Variants in TRMT9B observed in about 807,000 individuals in gnomAD.
TRMT9B encodes probable tRNA methyltransferase 9B.
Under a neutral mutation model 11.5 loss-of-function variants are expected in TRMT9B, and 16 were observed. The observed-to-expected ratio is 1.39, with a 90% CI of 0.94 to 2.11. TRMT9B has a LOEUF of 2.11. TRMT9B is among the 30% of genes most tolerant of loss of function. TRMT9B has a pLI of 0.00. For missense variants in TRMT9B, 941 were observed against 553.8 expected (o/e 1.70, Z -7.02); for synonymous variants, 274 against 192.4 (o/e 1.42, Z -3.51).
At chr8:12,978,244 C>T (rs1804764125) in intron 1 of TRMT9B, among the ~76,000 whole-genome samples, 1 of 152,166 alleles carries the variant, frequency 6.6e-6, no homozygotes, top group Non-Finnish European at 1.5e-5. Flanking sequence ...CCTTGGCTGA[C>T]AGGAGAATGC....
intron 1 of TRMT9B, among the ~76,000 whole-genome samples, chr8:12,973,190 T>A (rs904975818): frequency 6.6e-6 from 1 of 152,210 alleles, no homozygotes; most frequent in African/African-American, 2.4e-5. Context: ...GGCTGAATAA[T>A]ATGAAATCTG....
At chr8:12,997,335 T>G (rs1469469733) in intron 2 of TRMT9B, among the ~76,000 whole-genome samples, 3 of 152,068 alleles carry the variant, frequency 2.0e-5, no homozygotes. Context: ...CCCTCTCTCT[T>G]GCTCCCTCTC....
chr8:12,981,416 T>G (rs1805368634), intron 1 of TRMT9B, among the ~76,000 whole-genome samples: 1 of 152,066 alleles, frequency 6.6e-6, no homozygotes, highest in Non-Finnish European at 1.5e-5. Flanking sequence ...GCTCAGGTAT[T>G]TGGACTTTCT....
chr8:13,005,085 CA>C lies in TRMT9B; in HGVS notation c.-1-1102del, dbSNP rs1223540759. Among the ~76,000 whole-genome samples, 421 of 87,572 alleles carry C rather than the reference CA, an allele frequency of 4.8e-3. 2 individuals carry two copies. The highest frequency in any genetic ancestry group is 5.9e-3 in the African/African-American group (133 of 22,628). The allele number at this position is 87,572 out of a possible 152,430, so 57.5% of individuals were successfully genotyped here. On this transcript the variant is annotated intron_variant, in intron 2 of 4. Coordinates refer to ENST00000524591, the MANE Select transcript of TRMT9B (RefSeq NM_020844.3). ...TGGGCGATACAGCGAGACTGCATCT[CA>C]AAAAAAAAAAAAAAGAAAAAGAAAA...
chr8:12,961,280 A>C (rs571234854), intron 1 of TRMT9B, among the ~76,000 whole-genome samples: 1 of 152,354 alleles, frequency 6.6e-6, no homozygotes, highest in South Asian at 2.1e-4. Flanking sequence ...AGTTAATAAT[A>C]AATATCAATA....
At chr8:13,010,078 C>T (rs1388573945) in intron 3 of TRMT9B, among the ~76,000 whole-genome samples, 2 of 150,838 alleles carry the variant, frequency 1.3e-5, no homozygotes, top group Non-Finnish European at 2.9e-5. Flanking sequence ...GCAGAGGTTG[C>T]AGTGAGCCGA....
At chr8:13,013,055 A>C (rs1811951228) in intron 4 of TRMT9B, among the ~76,000 whole-genome samples, 198 bp downstream of exon 4, 2 of 152,266 alleles carry the variant, frequency 1.3e-5, no homozygotes, top group South Asian at 2.1e-4. Flanking sequence ...GATTGTTTTA[A>C]CTATTTAAAC....
chr8:12,967,536 A>G (rs1446066497), intron 1 of TRMT9B, among the ~76,000 whole-genome samples: 5 of 152,160 alleles, frequency 3.3e-5, no homozygotes, highest in South Asian at 2.1e-4. Context: ...CATTTGACCA[A>G]CTCAGACCCT....
rs1372226037 is a variant in TRMT9B at position 13,027,532 on chromosome 8, C to G, written c.*5488C>G. ...GGCATTCAGGCCCTTCATAAAGTAA[C>G]TCTGAATTATTTTTCAGTCTCATTT... is the stretch of plus-strand genomic sequence containing the variant. On this transcript the variant is annotated 3_prime_UTR_variant, in exon 5 of 5. Coordinates refer to ENST00000524591, the MANE Select transcript of TRMT9B (RefSeq NM_020844.3). 6.6e-5 allele frequency: 11 copies of G among 167,048 alleles called. No homozygotes were observed. The highest frequency in any genetic ancestry group is 2.7e-4 in the African/African-American group (11 of 41,464). 10.3% of individuals were successfully genotyped at this position (167,048 alleles called of 1,614,324 possible). A position where few individuals can be genotyped will look rare whatever the true frequency, so the allele number is the denominator to read the frequency against.
At chr8:13,017,770 C>T (rs898661236) in intron 4 of TRMT9B, among the ~76,000 whole-genome samples, 9 of 151,678 alleles carry the variant, frequency 5.9e-5, no homozygotes, top group South Asian at 2.1e-4. Flanking sequence ...CACACCACCA[C>T]GCCCAGCTAA....
At chr8:12,995,876 A>G (rs1186788431) in intron 2 of TRMT9B, among the ~76,000 whole-genome samples, 1 of 152,216 alleles carries the variant, frequency 6.6e-6, no homozygotes, top group Non-Finnish European at 1.5e-5. Context: ...AACTGCACAT[A>G]TAAAGAGCCA....
rs3739301 is a variant in TRMT9B at position 13,024,768 on chromosome 8, T to A, written c.*2724T>A. 63,548 of 166,922 alleles carry A rather than the reference T, an allele frequency of 0.38. 13,519 individuals carry two copies. Among genetic ancestry groups the A allele is most frequent in the Middle Eastern group, 0.6 (177 of 296 alleles). The allele number at this position is 166,922 out of a possible 1,614,324, so 10.3% of individuals were successfully genotyped here. ...AAAGCATGCTGACTAATAAGTCTTT[T>A]ACTCTTCATCTAATGAACATAAGAA... On this transcript the variant is annotated 3_prime_UTR_variant, in exon 5 of 5. Transcript: ENST00000524591.
chr8:12,970,020 A>G, intron 1 of TRMT9B: 1 of 152,140 alleles, frequency 6.6e-6, no homozygotes, highest in Non-Finnish European at 1.5e-5. Context: ...TCCGTGTGGA[A>G]CTCAGAAACA....
At chr8:12,950,639 A>G (rs909824818) in intron 1 of TRMT9B, among the ~76,000 whole-genome samples, 2 of 152,114 alleles carry the variant, frequency 1.3e-5, no homozygotes, top group Admixed American at 1.3e-4. Flanking sequence ...GAGAAGCCCA[A>G]ACAAAGGTTT....
Position 13,021,900 on chromosome 8 carries a change from C to G in TRMT9B, c.1221C>G (p.Ala407=), listed in dbSNP as rs754735637. ...AGACTGATGTTTTGGACTCCACAGC[C>G]TTTATGCGCTACTACCATGTGTTTC... ...DPQTDVLDST[A]FMRYYHVFRE... Residue 407 remains alanine, a synonymous_variant, in exon 5 of 5, where the codon GCC becomes GCG. Coordinates refer to ENST00000524591, the MANE Select transcript of TRMT9B (RefSeq NM_020844.3). The G allele has an allele frequency of 1.2e-6, 2 of 1,613,670 alleles. No homozygotes were observed. Among genetic ancestry groups the G allele is most frequent in the Non-Finnish European group, 1.7e-6 (2 of 1,179,886 alleles).
intron 2 of TRMT9B, among the ~76,000 whole-genome samples, chr8:12,998,517 C>T (rs540467788): frequency 6.6e-6 from 1 of 152,326 alleles, no homozygotes; most frequent in East Asian, 1.9e-4. Flanking sequence ...CCATCACAAA[C>T]AAATGAGAAA....
chr8:12,979,978 G>A (rs753601183), intron 1 of TRMT9B, among the ~76,000 whole-genome samples: 41 of 152,092 alleles, frequency 2.7e-4, no homozygotes, highest in Admixed American at 1.5e-3. Flanking sequence ...CTGTCACCCC[G>A]CCTGTGCCTT....
chr8:12,999,298 CAAAA>C (rs71207111), intron 2 of TRMT9B, among the ~76,000 whole-genome samples: 1 of 47,632 alleles, frequency 2.1e-5, no homozygotes, highest in Non-Finnish European at 4.5e-5. Flanking sequence ...GACTCCATCT[CAAAA>C]AAAAAAAAAA....
chr8:12,979,946 T>C (rs17122816), intron 1 of TRMT9B, among the ~76,000 whole-genome samples: 2,974 of 152,210 alleles, frequency 0.02, 97 homozygotes, highest in African/African-American at 0.068. Context: ...CCCCTTTTAG[T>C]GAGAGTGATG....
Sources: allele counts gnomAD v4.1 joint callset (sites outside exome capture counted in the v4.1 genomes callset), GRCh38; gene constraint gnomAD v4.1.1; transcripts MANE v1.5; gene names NCBI Gene and HGNC (gene_info 2026-07-23, HGNC 2026-07-21).